ZNF300: variants seen among roughly 807,000 people sequenced by gnomAD.
ZNF300 encodes the protein kruppel-like zinc finger protein.
In ZNF300, 6 loss-of-function variants were observed where a neutral mutation model predicts 13.9. That is an observed-to-expected ratio of 0.43 (90% CI 0.24 to 0.85). The LOEUF is 0.85. Ranked by LOEUF, ZNF300 falls within the 40% of genes least tolerant of loss-of-function variation. The probability of loss-of-function intolerance (pLI) is 0.25; values close to 1 mark genes in which losing one functional copy is unlikely to be tolerated. For missense variants in ZNF300, 662 were observed against 714.2 expected (o/e 0.93, Z 0.83); for synonymous variants, 237 against 242.2 (o/e 0.98, Z 0.20).
chr5:150,896,057 T>A lies in ZNF300; in HGVS notation c.1182A>T (p.Ser394=). 2 of 1,613,600 alleles carry A rather than the reference T, an allele frequency of 1.2e-6. No individual in the cohort carries two copies. Among genetic ancestry groups the A allele is most frequent in the Non-Finnish European group, 1.7e-6 (2 of 1,179,794 alleles). The change falls in exon 6 of 6, where the codon TCA becomes TCT. Residue 394 remains serine (S), a synonymous_variant. Coordinates refer to ENST00000274599, the MANE Select transcript of ZNF300 (RefSeq NM_052860.4). ...GAGCTCTGTGGTGTATAATCAGCTG[T>A]GACTTCTGGGAAAAGGCCTTCCCAC... ...RECGKAFSQK[S]QLIIHHRAHT...
At position 150,895,313 on chromosome 5, in the gene ZNF300, C is replaced by G; in HGVS notation, c.*111G>C. 2.5e-6 allele frequency: 2 copies of G among 798,868 alleles called. No homozygotes were observed. Among genetic ancestry groups the G allele is most frequent in the Non-Finnish European group, 3.7e-6 (2 of 543,356 alleles). 49.5% of individuals were successfully genotyped at this position (798,868 alleles called of 1,614,324 possible). On this transcript the variant is annotated 3_prime_UTR_variant, in exon 6 of 6. Transcript: ENST00000274599. ...CATCACCAAACTAGAAACAAATTCC[C>G]TTAAAAATTTTTATCTATTGGGATG...
At chr5:150,902,410 T>C (rs1581664001) in intron 3 of ZNF300, among the ~76,000 whole-genome samples, 1 of 152,330 alleles carries the variant, frequency 6.6e-6, no homozygotes, top group South Asian at 2.1e-4. Context: ...TGAATTTACC[T>C]GTGGATAAAG....
In ZNF300 at chr5:150,903,390, T is replaced by C. The variant is rs1581664695; in HGVS notation, c.-27-208A>G. ...TTCTTTACTCCTCTTGTACCTATAA[T>C]ATGATCACATAGAAGTTGACCAAGG... On this transcript the variant is annotated intron_variant, in intron 2 of 5. Transcript: ENST00000274599. 3.3e-6 allele frequency: 5 copies of C among 1,536,576 alleles called. No individual in the cohort carries two copies. In the East Asian group the frequency reaches 7.3e-5, roughly 23 times the overall value.
Position 150,896,306 on chromosome 5 carries a change from A to C in ZNF300, c.933T>G (p.His311Gln). ...TATGAGTTCTCTGATGTACAACAAGATGAAACTTCTCACTGAAGGCTTTTC... is the reference window on the plus strand; with the variant it reads ...TATGAGTTCTCTGATGTACAACAAGCTGAAACTTCTCACTGAAGGCTTTTC... ...ACGKAFSEKFHLVVHQRTHTG... is the reference protein window; with the variant it reads ...ACGKAFSEKFQLVVHQRTHTG... Residue 311 changes from histidine (H) to glutamine (Q), a missense_variant, in exon 6 of 6, where the codon CAT becomes CAG. His to Gln is a conservative substitution (Grantham distance 24, BLOSUM62 0). Transcript: ENST00000274599. 3.1e-6 allele frequency: 5 copies of C among 1,613,632 alleles called. No homozygotes were observed. The highest frequency in any genetic ancestry group is 4.2e-6 in the Non-Finnish European group (5 of 1,179,790).
chr5:150,896,875 AC>A lies in ZNF300; in HGVS notation c.363del (p.Leu121PhefsTer5). ...CCTTGACAGACTTTTAAAATGGAGC[AC>A]AATGAACCATCCCTTGTGACTCCTT... is the stretch of plus-strand genomic sequence containing the variant. ...ILKGVTRDGS[L>X]CSILKVCQGD... On this transcript the variant is annotated frameshift_variant, in exon 6 of 6. Transcript: ENST00000274599. LOFTEE classifies it low-confidence loss of function (END_TRUNC). 6.2e-7 allele frequency: 1 copy of A among 1,613,686 alleles called. No homozygotes were observed. Among genetic ancestry groups the A allele is most frequent in the Non-Finnish European group, 8.5e-7 (1 of 1,179,744 alleles).
intron 3 of ZNF300, 32 bp from the exon 4 acceptor site, chr5:150,898,586 T>C: frequency 6.5e-7 from 1 of 1,548,280 alleles, no homozygotes; most frequent in South Asian, 1.2e-5. Context: ...CAATCTGAAA[T>C]GATCATTCTC....
At chr5:150,897,853 G>C in intron 5 of ZNF300, 1 of 496,102 alleles carries the variant, frequency 2.0e-6, no homozygotes, top group Non-Finnish European at 3.3e-6. Flanking sequence ...AACCCTTTCA[G>C]GAAAGACAAC....
chr5:150,896,769 G>A lies in ZNF300; in HGVS notation c.470C>T (p.Thr157Ile). 6.2e-7 allele frequency: 1 copy of A among 1,613,710 alleles called. No individual in the cohort carries two copies. The highest frequency in any genetic ancestry group is 8.5e-7 in the Non-Finnish European group (1 of 1,179,782). The change falls in exon 6 of 6, where the codon ACT becomes ATT. Residue 157 changes from threonine (T) to isoleucine (I), a missense_variant. Thr to Ile is a moderately conservative substitution (Grantham distance 89). Coordinates refer to ENST00000274599, the MANE Select transcript of ZNF300 (RefSeq NM_052860.4). ...ATTATATTTATGCCCTGATGCCTCA[G>A]TCACTGTTTTGCTGTTAACAAATGT... is the stretch of plus-strand genomic sequence containing the variant. ...QVTFVNSKTV[T>I]EASGHKYNPL...
In ZNF300 at chr5:150,896,099, G is replaced by C. The variant is rs765911691; in HGVS notation, c.1140C>G (p.Pro380=). 1 of 1,613,338 alleles carries C rather than the reference G, an allele frequency of 6.2e-7. No individual in the cohort carries two copies. Among genetic ancestry groups the C allele is most frequent in the Non-Finnish European group, 8.5e-7 (1 of 1,179,722 alleles). Reference sequence around the variant, plus strand: ...CCTTCCCACACTCTCTACATTCATAGGGTTTTTCCCCAGTATGTATTCTCT... The same window carrying C: ...CCTTCCCACACTCTCTACATTCATACGGTTTTTCCCCAGTATGTATTCTCT... ...IHQRIHTGEK[P]YECRECGKAF... The change falls in exon 6 of 6, where the codon CCC becomes CCG. Residue 380 remains proline, a synonymous_variant. Transcript: ENST00000274599.
chr5:150,896,116 G>A lies in ZNF300; in HGVS notation c.1123C>T (p.His375Tyr), dbSNP rs756673248. 2 of 1,613,348 alleles carry A rather than the reference G, an allele frequency of 1.2e-6. No individual in the cohort carries two copies. Among genetic ancestry groups the A allele is most frequent in the East Asian group, 2.2e-5 (1 of 44,842 alleles). ...KSPLIIHQRI[H>Y]TGEKPYECRE... ...CATTCATAGGGTTTTTCCCCAGTATGTATTCTCTGATGTATAATGAGGGGT... is the reference window on the plus strand; with the variant it reads ...CATTCATAGGGTTTTTCCCCAGTATATATTCTCTGATGTATAATGAGGGGT... Residue 375 changes from histidine to tyrosine, a missense_variant, in exon 6 of 6, where the codon CAT (histidine) becomes TAT (tyrosine). Coordinates refer to ENST00000274599, the MANE Select transcript of ZNF300 (RefSeq NM_052860.4).
Position 150,895,915 on chromosome 5 carries a change from A to G in ZNF300, c.1324T>C (p.Cys442Arg). ...TGEKPYKCAQ[C>R]EEAFSRKTEL... Reference sequence around the variant, plus strand: ...GTCTTCCTGCTGAAGGCTTCCTCACATTGAGCACATTTGTAGGGTTTCTCA... The same window carrying G: ...GTCTTCCTGCTGAAGGCTTCCTCACGTTGAGCACATTTGTAGGGTTTCTCA... Residue 442 changes from cysteine (C) to arginine (R), a missense_variant, in exon 6 of 6, where the codon TGT becomes CGT. By Grantham distance (180) the Cys-to-Arg change is radical. Coordinates refer to ENST00000274599, the MANE Select transcript of ZNF300 (RefSeq NM_052860.4). The G allele has an allele frequency of 6.2e-7, 1 of 1,613,472 alleles. No individual in the cohort carries two copies. The highest frequency in any genetic ancestry group is 8.5e-7 in the Non-Finnish European group (1 of 1,179,794).
At position 150,903,907 on chromosome 5, in the gene ZNF300, G is replaced by A. The variant is rs1323491040; in HGVS notation, c.-71C>T. ...TCCCAGGACAAGTCATGCAGACAGA[G>A]CTGAACTATTTCAGAGGACGTGGGG... On this transcript the variant is annotated 5_prime_UTR_variant, in exon 2 of 6. Transcript: ENST00000274599. 1 of 153,860 alleles carries A rather than the reference G, an allele frequency of 6.5e-6. No homozygotes were observed. The highest frequency in any genetic ancestry group is 1.4e-5 in the Non-Finnish European group (1 of 69,102). 9.5% of individuals were successfully genotyped at this position (153,860 alleles called of 1,614,324 possible).
intron 5 of ZNF300, 72 bp downstream of exon 5, chr5:150,897,990 T>G (rs1754854080): frequency 6.5e-7 from 1 of 1,527,234 alleles, no homozygotes. Flanking sequence ...GAATAGGAGA[T>G]TTTGATAAGG....
At chr5:150,900,445 C>G (rs1180685687) in intron 3 of ZNF300, 2 of 152,086 alleles carry the variant, frequency 1.3e-5, no homozygotes, top group Admixed American at 1.3e-4. Flanking sequence ...CCTTAGAAAT[C>G]TGGTTGTTCC....
chr5:150,895,524 G>T lies in ZNF300; in HGVS notation c.1715C>A (p.Thr572Asn), dbSNP rs753161348. ...AGCACATTGATAGGGTCTTTCCCCA[G>T]TATGAATCCTCTGATGTAAAACAAG... ...SDLVLHQRIH[T>N]GERPYQCAIC... The change falls in exon 6 of 6, where the codon ACT becomes AAT. Residue 572 changes from threonine (T) to asparagine (N), a missense_variant. Transcript: ENST00000274599. 1.9e-6 allele frequency: 3 copies of T among 1,613,478 alleles called. No individual in the cohort carries two copies. Among genetic ancestry groups the T allele is most frequent in the South Asian group, 2.2e-5 (2 of 91,064 alleles).
In ZNF300 at chr5:150,895,150, T is replaced by C. The variant is rs1192429074; in HGVS notation, c.*274A>G. 1 of 314,492 alleles carries C rather than the reference T, an allele frequency of 3.2e-6. No homozygotes were observed. The highest frequency in any genetic ancestry group is 4.5e-5 in the Admixed American group (1 of 22,470). 19.5% of individuals were successfully genotyped at this position (314,492 alleles called of 1,614,324 possible). Reference sequence around the variant, plus strand: ...TTATCATTTTGTAGTATAAGGAATATGCAACTTGACAATATTCTGTATGCT... The same window carrying C: ...TTATCATTTTGTAGTATAAGGAATACGCAACTTGACAATATTCTGTATGCT... On this transcript the variant is annotated 3_prime_UTR_variant, in exon 6 of 6. Transcript: ENST00000274599.
rs781631235 is a variant in ZNF300 at position 150,903,118 on chromosome 5, T to C, written c.15+23A>G. 16 of 1,598,788 alleles carry C rather than the reference T, an allele frequency of 1.0e-5. No individual in the cohort carries two copies. In the African/African-American group the frequency reaches 1.8e-4, roughly 18 times the overall value. On this transcript the variant is annotated intron_variant, in intron 3 of 5. Coordinates refer to ENST00000274599, the MANE Select transcript of ZNF300 (RefSeq NM_052860.4). Reference sequence around the variant, plus strand: ...TATGAAAAACCAAAGAAGAATTTTTTTTTTTTTTAAAAAGCAACTCACCTG... The same window carrying C: ...TATGAAAAACCAAAGAAGAATTTTTCTTTTTTTTAAAAAGCAACTCACCTG...
chr5:150,902,630 T>G (rs935175754), intron 3 of ZNF300, among the ~76,000 whole-genome samples: 6 of 152,244 alleles, frequency 3.9e-5, no homozygotes, highest in African/African-American at 1.4e-4. Flanking sequence ...ATAAAAACAG[T>G]TGGAGAATGG....
In ZNF300 at chr5:150,898,128, A is replaced by T. The variant is rs990425871; in HGVS notation, c.199T>A (p.Trp67Arg). ...ISKLEQGEEPWIIKGDISNWI... is the reference protein window; with the variant it reads ...ISKLEQGEEPRIIKGDISNWI... ...TTTGATATGTCTCCCTTTATGATCC[A>T]TGGCTCTTCTCCTTGTTCCAACTTG... is the stretch of plus-strand genomic sequence containing the variant. Residue 67 changes from tryptophan to arginine, a missense_variant, in exon 5 of 6, where the codon TGG (tryptophan) becomes AGG (arginine). Physicochemically the swap from Trp to Arg is moderately radical, Grantham distance 101. Transcript: ENST00000274599. 6.2e-7 allele frequency: 1 copy of T among 1,613,650 alleles called. No homozygotes were observed. The highest frequency in any genetic ancestry group is 1.1e-5 in the South Asian group (1 of 91,074).
Sources: allele counts gnomAD v4.1 joint callset (sites outside exome capture counted in the v4.1 genomes callset), GRCh38; gene constraint gnomAD v4.1.1; transcripts MANE v1.5; gene names NCBI Gene and HGNC (gene_info 2026-07-23, HGNC 2026-07-21).